The following PAWR variants were observed in gnomAD, a reference collection of about 807,000 sequenced individuals.
The protein encoded by PAWR is PRKC apoptosis WT1 regulator protein.
A neutral mutation model predicts 32.0 loss-of-function variants in PAWR; 23 were observed. The ratio of observed to expected loss-of-function variants is 0.72; its 90% CI spans 0.52 to 1.02. PAWR has a LOEUF of 1.02. Ranked by LOEUF, PAWR falls within the 50% of genes least tolerant of loss-of-function variation. The pLI is 0.00. For synonymous variants in PAWR, 226 were observed against 187.1 expected (o/e 1.21, Z -1.70); for missense variants, 457 against 437.7 (o/e 1.04, Z -0.39).
chr12:79,679,595 T>G (rs894874030), intron 2 of PAWR, among the ~76,000 whole-genome samples: 1 of 152,140 alleles, frequency 6.6e-6, no homozygotes, highest in Non-Finnish European at 1.5e-5. Context: ...AGGCTGAGTA[T>G]TTAAGTAAGA....
intron 3 of PAWR, among the ~76,000 whole-genome samples, chr12:79,619,540 T>C (rs1001518750): frequency 6.6e-6 from 1 of 152,208 alleles, no homozygotes; most frequent in Non-Finnish European, 1.5e-5. Context: ...ATAGTATATA[T>C]AGCGTTCAGT....
Position 79,670,355 on chromosome 12 carries a change from C to A in PAWR, c.516+19374G>T, listed in dbSNP as rs138413263. ...AATTAGGTAATGAAAGCTTAAAAAACCAAATTATCAAATCTGTTACTGAAA... is the reference window on the plus strand; with the variant it reads ...AATTAGGTAATGAAAGCTTAAAAAAACAAATTATCAAATCTGTTACTGAAA... On this transcript the variant is annotated intron_variant, in intron 2 of 6. Coordinates refer to ENST00000328827, the MANE Select transcript of PAWR (RefSeq NM_002583.4). Among the ~76,000 whole-genome samples, 622 of 152,048 alleles carry A rather than the reference C, an allele frequency of 4.1e-3. 12 individuals carry two copies. The highest frequency in any genetic ancestry group is 0.014 in the African/African-American group (590 of 41,490).
intron 2 of PAWR, among the ~76,000 whole-genome samples, chr12:79,639,905 CCA>C (rs1264895615): frequency 7.7e-6 from 1 of 129,478 alleles, no homozygotes; most frequent in Non-Finnish European, 1.5e-5. Flanking sequence ...CCATTCCATT[CCA>C]TTCCATTCTA....
chr12:79,604,708 G>A (rs978196922), intron 4 of PAWR: 3 of 1,287,276 alleles, frequency 2.3e-6, no homozygotes, highest in African/African-American at 1.5e-5. Context: ...TCTGTGTAGG[G>A]TTTATCTCTC....
At chr12:79,672,735 AAAG>A (rs1469475396) in intron 2 of PAWR, among the ~76,000 whole-genome samples, 1 of 152,156 alleles carries the variant, frequency 6.6e-6, no homozygotes, top group Non-Finnish European at 1.5e-5. Context: ...AAAAAAAAAA[AAAG>A]ATTCTAATTT....
chr12:79,640,930 T>C (rs1350717141), intron 2 of PAWR, among the ~76,000 whole-genome samples: 2 of 152,064 alleles, frequency 1.3e-5, no homozygotes, highest in Non-Finnish European at 2.9e-5. Context: ...TATCTGAGAG[T>C]TTGAAGTTAA....
chr12:79,588,573 A>G lies in PAWR; in HGVS notation c.*4034T>C, dbSNP rs1214034612. ...AGAAGTACTTTTGAGTAAACTATTC[A>G]GATTAGACAGGCTAATGCTAAGACT... On this transcript the variant is annotated 3_prime_UTR_variant, in exon 7 of 7. Transcript: ENST00000328827. 6.6e-6 allele frequency: 1 copy of G among 152,038 alleles called. No homozygotes were observed. The highest frequency in any genetic ancestry group is 2.4e-5 in the African/African-American group (1 of 41,458). 9.4% of individuals were successfully genotyped at this position (152,038 alleles called of 1,614,324 possible).
chr12:79,638,766 T>A (rs1258233307), intron 2 of PAWR, among the ~76,000 whole-genome samples: 1 of 144,712 alleles, frequency 6.9e-6, no homozygotes, highest in East Asian at 2.0e-4. Context: ...CCCTATCAAG[T>A]CCAAATGCTA....
chr12:79,632,361 A>AT (rs755937992), intron 2 of PAWR, among the ~76,000 whole-genome samples: 81 of 20,588 alleles, frequency 3.9e-3, no homozygotes, highest in African/African-American at 7.2e-3. Context: ...ATATATATAT[A>AT]TTTTTTTTTT....
At chr12:79,681,146 G>A (rs1292010730) in intron 2 of PAWR, among the ~76,000 whole-genome samples, 1 of 132,298 alleles carries the variant, frequency 7.6e-6, no homozygotes, top group African/African-American at 2.9e-5. Context: ...GGGGAGGGGT[G>A]GGGAGGGGAG....
At chr12:79,607,400 C>T (rs1015779359) in intron 4 of PAWR, among the ~76,000 whole-genome samples, 13 of 152,082 alleles carry the variant, frequency 8.5e-5, no homozygotes, top group Non-Finnish European at 1.8e-4. Flanking sequence ...TATATTTGGT[C>T]GTCTTTAGTT....
intron 2 of PAWR, among the ~76,000 whole-genome samples, chr12:79,665,511 A>C (rs1877561208): frequency 6.6e-6 from 1 of 152,080 alleles, no homozygotes; most frequent in African/African-American, 2.4e-5. Flanking sequence ...AAAATTCCGT[A>C]AGTCAATTAA....
At chr12:79,611,769 G>A (rs1325541848) in intron 4 of PAWR, among the ~76,000 whole-genome samples, 1 of 152,022 alleles carries the variant, frequency 6.6e-6, no homozygotes. Flanking sequence ...GAGAATACAA[G>A]TAAGAAAAGT....
At chr12:79,594,025 C>T (rs886234020) in intron 6 of PAWR, among the ~76,000 whole-genome samples, 1 of 151,982 alleles carries the variant, frequency 6.6e-6, no homozygotes, top group African/African-American at 2.4e-5. Context: ...TTTCTTGAGG[C>T]AACTCTGTGC....
chr12:79,613,392 T>G (rs1370380785), intron 4 of PAWR, among the ~76,000 whole-genome samples, 183 bp downstream of exon 4: 1 of 152,204 alleles, frequency 6.6e-6, no homozygotes, highest in Non-Finnish European at 1.5e-5. Context: ...GACTTCGGCA[T>G]GTCAGAATAA....
intron 2 of PAWR, among the ~76,000 whole-genome samples, chr12:79,664,024 T>C (rs1877476319): frequency 6.6e-6 from 1 of 152,092 alleles, no homozygotes; most frequent in South Asian, 2.1e-4. Context: ...AATGTGCCAA[T>C]GGGAGAAATA....
At chr12:79,658,937 A>G (rs2136818342) in intron 2 of PAWR, among the ~76,000 whole-genome samples, 1 of 151,724 alleles carries the variant, frequency 6.6e-6, no homozygotes. Flanking sequence ...CTGGGATTAC[A>G]GTCATGAGCC....
intron 4 of PAWR, among the ~76,000 whole-genome samples, chr12:79,612,935 C>A (rs1874507162): frequency 6.6e-6 from 1 of 152,126 alleles, no homozygotes; most frequent in African/African-American, 2.4e-5. Flanking sequence ...TGATCTGTGT[C>A]CTCCCAAAAT....
chr12:79,640,598 G>A (rs1044915482), intron 2 of PAWR, among the ~76,000 whole-genome samples: 10 of 151,988 alleles, frequency 6.6e-5, no homozygotes, highest in Non-Finnish European at 1.5e-4. Flanking sequence ...AAAATTAGCC[G>A]GGTATGGTGG....
Sources: allele counts gnomAD v4.1 joint callset (sites outside exome capture counted in the v4.1 genomes callset), GRCh38; gene constraint gnomAD v4.1.1; transcripts MANE v1.5; gene names NCBI Gene and HGNC (gene_info 2026-07-23, HGNC 2026-07-21).